The following POLDIP3 variants were observed in gnomAD, a reference collection of about 807,000 sequenced individuals.
POLDIP3 encodes polymerase delta-interacting protein 3.
POLDIP3 carries 14 observed loss-of-function variants against 45.1 expected under a neutral mutation model. The ratio of observed to expected loss-of-function variants is 0.31; its 90% CI spans 0.20 to 0.49. The LOEUF is 0.49. Among genes scored for constraint, POLDIP3 ranks in the 20% least tolerant of loss-of-function variants. The probability of loss-of-function intolerance (pLI) is 0.99; values close to 1 mark genes in which losing one functional copy is unlikely to be tolerated. For synonymous variants in POLDIP3, 223 were observed against 205.2 expected (o/e 1.09, Z -0.74); for missense variants, 511 against 538.8 (o/e 0.95, Z 0.51).
rs2146792391 is a variant in POLDIP3, at chr22:42,584,050, A to G, written c.*1741T>C. 6.6e-6 allele frequency: 1 copy of G among 152,608 alleles called. No individual in the cohort carries two copies. The highest frequency in any genetic ancestry group is 3.4e-3 in the Middle Eastern group (1 of 294). 9.5% of individuals were successfully genotyped at this position (152,608 alleles called of 1,614,324 possible). ...CTGCTTTGGGATGAGAGGGAGGATA[A>G]AGCCATGCAGGGAGGATATTTACCA... On this transcript the variant is annotated 3_prime_UTR_variant, in exon 9 of 9. Coordinates refer to ENST00000252115, the MANE Select transcript of POLDIP3 (RefSeq NM_032311.5).
intron 8 of POLDIP3, among the ~76,000 whole-genome samples, chr22:42,586,825 G>A (rs2146797893): frequency 6.6e-6 from 1 of 152,198 alleles, no homozygotes; most frequent in East Asian, 1.9e-4. Context: ...TATCTAGAAG[G>A]TGAAGTCCTC....
chr22:42,600,455 T>A (rs969278504), intron 3 of POLDIP3, among the ~76,000 whole-genome samples: 2 of 150,166 alleles, frequency 1.3e-5, no homozygotes, highest in Non-Finnish European at 3.0e-5. Context: ...TGAAACCCCG[T>A]CTCTACGAAA....
In POLDIP3 at chr22:42,585,023, C is replaced by T. The variant is rs1925207586; in HGVS notation, c.*768G>A. On this transcript the variant is annotated 3_prime_UTR_variant, in exon 9 of 9. Coordinates refer to ENST00000252115, the MANE Select transcript of POLDIP3 (RefSeq NM_032311.5). ...AGGTGAGAACCGGGAGGGCTCACAA[C>T]ACAGCCCCCTCCCAGCAAAGACACC... is the stretch of plus-strand genomic sequence containing the variant. 2.2e-6 allele frequency: 1 copy of T among 456,222 alleles called. No individual in the cohort carries two copies. The highest frequency in any genetic ancestry group is 1.5e-5 in the South Asian group (1 of 64,552). The allele number at this position is 456,222 out of a possible 1,614,324, so 28.3% of individuals were successfully genotyped here. A position where few individuals can be genotyped will look rare whatever the true frequency, so the allele number is the denominator to read the frequency against.
intron 1 of POLDIP3, among the ~76,000 whole-genome samples, chr22:42,612,198 C>T (rs543560091): frequency 6.6e-5 from 10 of 152,304 alleles, no homozygotes; most frequent in African/African-American, 4.8e-5. Flanking sequence ...ATGACAATAA[C>T]GAAAGCTAAC....
At chr22:42,603,194 A>G in intron 1 of POLDIP3, 34 bp from the exon 2 acceptor site, 2 of 1,599,410 alleles carry the variant, frequency 1.3e-6, no homozygotes, top group Non-Finnish European at 8.5e-7. Context: ...TATTAAGTGG[A>G]TCTGGGTATC....
At chr22:42,604,977 A>T (rs1926628224) in intron 1 of POLDIP3, among the ~76,000 whole-genome samples, 1 of 152,198 alleles carries the variant, frequency 6.6e-6, no homozygotes, top group South Asian at 2.1e-4. Flanking sequence ...AGCCCCAGAA[A>T]GCTCCTTGGC....
At chr22:42,587,668 A>C (rs1601880740) in intron 7 of POLDIP3, 96 bp from the exon 8 acceptor site, 1 of 1,180,026 alleles carries the variant, frequency 8.5e-7, no homozygotes. Context: ...TGGTCAAAGC[A>C]CCCACCACTG....
At position 42,592,064 on chromosome 22, in the gene POLDIP3, C is replaced by T; in HGVS notation, c.912G>A (p.Gly304=). 1 of 1,614,210 alleles carries T rather than the reference C, an allele frequency of 6.2e-7. No individual in the cohort carries two copies. Among genetic ancestry groups the T allele is most frequent in the Non-Finnish European group, 8.5e-7 (1 of 1,180,032 alleles). The change falls in exon 7 of 9, where the codon GGG becomes GGA. Residue 304 remains glycine (G), a synonymous_variant. Coordinates refer to ENST00000252115, the MANE Select transcript of POLDIP3 (RefSeq NM_032311.5). ...GGACCAGTCGAGCTCGCTTGAGGGCCCCACACACACAGAAAAGCTCCTGCA... is the reference window on the plus strand; with the variant it reads ...GGACCAGTCGAGCTCGCTTGAGGGCTCCACACACACAGAAAAGCTCCTGCA... The part of the protein sequence containing the change: ...EDIVELFCVC[G]ALKRARLVHP...
chr22:42,608,089 G>T (rs1926878425), intron 1 of POLDIP3, among the ~76,000 whole-genome samples: 1 of 152,268 alleles, frequency 6.6e-6, no homozygotes. Flanking sequence ...AACGGGCCAT[G>T]AAGACGATGG....
intron 1 of POLDIP3, chr22:42,603,753 T>G (rs955281427): frequency 6.6e-6 from 1 of 151,962 alleles, no homozygotes. Flanking sequence ...ACACAAAGAC[T>G]TGGTAGGAAA....
intron 6 of POLDIP3, among the ~76,000 whole-genome samples, chr22:42,594,698 TG>T (rs1003915969): frequency 1.3e-5 from 2 of 152,176 alleles, no homozygotes; most frequent in African/African-American, 4.8e-5. Context: ...AAAATGATGT[TG>T]AAAAGAAGTC....
intron 7 of POLDIP3, among the ~76,000 whole-genome samples, chr22:42,591,363 G>A (rs1361624064): frequency 6.6e-6 from 1 of 152,108 alleles, no homozygotes; most frequent in African/African-American, 2.4e-5. Flanking sequence ...TCTTTTATTT[G>A]TAATTTTTTT....
At chr22:42,588,119 T>C (rs969357004) in intron 7 of POLDIP3, among the ~76,000 whole-genome samples, 1 of 152,028 alleles carries the variant, frequency 6.6e-6, no homozygotes, top group African/African-American at 2.4e-5. Context: ...AATTAAAATA[T>C]TGGGGAAAAA....
At chr22:42,586,213 G>A (rs920141606) in intron 8 of POLDIP3, among the ~76,000 whole-genome samples, 12 of 151,968 alleles carry the variant, frequency 7.9e-5, no homozygotes, top group African/African-American at 2.7e-4. Context: ...GTACCACCAT[G>A]CCTGGCTCAT....
intron 3 of POLDIP3, among the ~76,000 whole-genome samples, chr22:42,600,574 C>T (rs927643610): frequency 3.3e-5 from 5 of 150,688 alleles, no homozygotes; most frequent in African/African-American, 1.2e-4. Flanking sequence ...TGCAGTGAGC[C>T]GAGATCGTGC....
Position 42,587,467 on chromosome 22 carries a change from G to A in POLDIP3, c.1088+39C>T, listed in dbSNP as rs370385252. ...CCCATTAGAACAAAAAGAGATGGAC[G>A]GAGCTGCCTCTCCCCAGCACCCCGC... On this transcript the variant is annotated intron_variant, in intron 8 of 8. Coordinates refer to ENST00000252115, the MANE Select transcript of POLDIP3 (RefSeq NM_032311.5). 4.4e-5 allele frequency: 69 copies of A among 1,565,720 alleles called. 1 individual carries two copies. Among genetic ancestry groups the A allele is most frequent in the South Asian group, 2.9e-4 (26 of 89,756 alleles).
At position 42,585,487 on chromosome 22, in the gene POLDIP3, C is replaced by T; in HGVS notation, c.*304G>A. On this transcript the variant is annotated 3_prime_UTR_variant, in exon 9 of 9. Transcript: ENST00000252115. ...AAAGCCACCCAGAGAATTCAGTGTA[C>T]CATTTCCAGATAAGAAATCAGCTTG... The T allele has an allele frequency of 2.5e-6, 1 of 404,002 alleles. No homozygotes were observed. The highest frequency in any genetic ancestry group is 5.4e-5 in the East Asian group (1 of 18,470). 25.0% of individuals were successfully genotyped at this position (404,002 alleles called of 1,614,324 possible).
At chr22:42,607,239 G>C (rs1926790808) in intron 1 of POLDIP3, among the ~76,000 whole-genome samples, 3 of 152,252 alleles carry the variant, frequency 2.0e-5, no homozygotes, top group Admixed American at 1.3e-4. Context: ...AGCCTGCCGA[G>C]TGCCTGGGAT....
chr22:42,608,808 G>T (rs977558428), intron 1 of POLDIP3, among the ~76,000 whole-genome samples: 1 of 152,132 alleles, frequency 6.6e-6, no homozygotes, highest in Non-Finnish European at 1.5e-5. Flanking sequence ...GGTAGTTGAG[G>T]ATGTAGTAGG....
Sources: allele counts gnomAD v4.1 joint callset (sites outside exome capture counted in the v4.1 genomes callset), GRCh38; gene constraint gnomAD v4.1.1; transcripts MANE v1.5; gene names NCBI Gene and HGNC (gene_info 2026-07-23, HGNC 2026-07-21).